Variants in SLC38A10 observed in about 807,000 individuals in gnomAD.
SLC38A10 encodes the protein Sodium-coupled neutral amino acid transporter 10.
In SLC38A10, 53 loss-of-function variants were observed where a neutral mutation model predicts 81.0. The ratio of observed to expected loss-of-function variants is 0.65; its 90% CI spans 0.53 to 0.82. The LOEUF (loss-of-function observed/expected upper bound fraction) is 0.82. SLC38A10 is among the 40% of genes least tolerant of loss of function. The pLI is 0.00. For synonymous variants in SLC38A10, 665 were observed against 655.3 expected (o/e 1.01, Z -0.23); for missense variants, 1,471 against 1,545.0 (o/e 0.95, Z 0.80).
chr17:81,280,375 G>T (rs1053803411), intron 6 of SLC38A10, among the ~76,000 whole-genome samples: 1 of 152,184 alleles, frequency 6.6e-6, no homozygotes, highest in African/African-American at 2.4e-5. Context: ...GCAAACCAGG[G>T]ACTCTCACCA....
chr17:81,256,501 G>A (rs1302049522), intron 11 of SLC38A10, among the ~76,000 whole-genome samples: 1 of 152,216 alleles, frequency 6.6e-6, no homozygotes. Flanking sequence ...GATCAGTAAA[G>A]GTGGAGACAG....
chr17:81,275,475 T>C (rs1363766534), intron 8 of SLC38A10, among the ~76,000 whole-genome samples: 2 of 151,160 alleles, frequency 1.3e-5, no homozygotes, highest in Admixed American at 6.6e-5. Flanking sequence ...GGCTCACGCC[T>C]GTAATCCCAG....
rs1598398857 is a variant in SLC38A10 at position 81,276,438 on chromosome 17, T to C, written c.730-287A>G. 6.7e-6 allele frequency among the ~76,000 whole-genome samples: 1 copy of C among 149,302 alleles called. No homozygotes were observed. Among genetic ancestry groups the C allele is most frequent in the Non-Finnish European group, 1.5e-5 (1 of 67,574 alleles). ...TCTCCCTCTGTAGACCAGGCTGGAG[T>C]GCAGTGGTGCGATCTTGGCCTCGGC... On this transcript the variant is annotated intron_variant, in intron 7 of 15. Transcript: ENST00000374759. The surrounding 1 kb of genome is among the most constrained non-coding windows in gnomAD (Gnocchi z 4.7).
rs557605693 is a variant in SLC38A10 at position 81,252,195 on chromosome 17, C to T, written c.1945G>A (p.Gly649Ser). Residue 649 changes from glycine (G) to serine (S), a missense_variant and splice_region_variant, in exon 13 of 16, where the codon GGT (glycine) becomes AGT (serine). Physicochemically the swap from Gly to Ser is moderately conservative, Grantham distance 56 (BLOSUM62 0). Transcript: ENST00000374759. ...TGQPAEDSDH[G>S]GKPPLPAEKP... ...GACACGAGCCCAGGCTGACACCCAC[C>T]GTGGTCGCTGTCCTCTGCGGGCTGC... The T allele has an allele frequency of 8.0e-6, 12 of 1,504,634 alleles. No individual in the cohort carries two copies. The highest frequency in any genetic ancestry group is 2.3e-5 in the East Asian group (1 of 43,784). The allele number at this position is 1,504,634 out of a possible 1,614,324, so 93.2% of individuals were successfully genotyped here.
rs140451634 is a variant in SLC38A10, at chr17:81,252,242, C to A, written c.1898G>T (p.Gly633Val). 24 of 1,527,252 alleles carry A rather than the reference C, an allele frequency of 1.6e-5. No homozygotes were observed. In the African/African-American group the frequency reaches 2.9e-4, roughly 19 times the overall value. 94.6% of individuals were successfully genotyped at this position (1,527,252 alleles called of 1,614,324 possible). The stretch of plus-strand genomic sequence containing the variant: ...CTGCCCTGTGTCCCCGGCGGCGTTG[C>A]CTGGCGGCGGTCCCCCCTTGGCCTT... ...GEKAKGGPPP[G>V]NAAGDTGQPA... The change falls in exon 13 of 16, where the codon GGC becomes GTC. Residue 633 changes from glycine (G) to valine (V), a missense_variant. Gly to Val is a moderately radical substitution (Grantham distance 109). Around this residue, in one of 2 missense-constraint regions of SLC38A10, gnomAD observed 751 missense variants for 717.4 expected, o/e 1.05. Transcript: ENST00000374759.
At chr17:81,278,089 A>G (rs2063178163) in intron 6 of SLC38A10, among the ~76,000 whole-genome samples, 1 of 152,238 alleles carries the variant, frequency 6.6e-6, no homozygotes, top group South Asian at 2.1e-4. Flanking sequence ...CACAGCGGCC[A>G]GCGGAGCCAA....
At chr17:81,271,122 T>C (rs781315974) in intron 9 of SLC38A10, 98 bp from the exon 10 acceptor site, 5 of 984,438 alleles carry the variant, frequency 5.1e-6, no homozygotes, top group Admixed American at 4.3e-5. Context: ...CAAGCCAGCA[T>C]TGAAGGAAAT....
chr17:81,276,285 C>T lies in SLC38A10; in HGVS notation c.730-134G>A. ...GCCTTCAATCCACTTCATAATGAAGCTTCTGCAAGAGATGGCCTTCCAGGG... is the reference window on the plus strand; with the variant it reads ...GCCTTCAATCCACTTCATAATGAAGTTTCTGCAAGAGATGGCCTTCCAGGG... On this transcript the variant is annotated intron_variant, in intron 7 of 15. Transcript: ENST00000374759. This position sits in a 1 kb window ranked among gnomAD's most constrained non-coding sequence, Gnocchi z 4.7. 1.4e-6 allele frequency: 1 copy of T among 740,428 alleles called. No homozygotes were observed. Among genetic ancestry groups the T allele is most frequent in the South Asian group, 2.6e-5 (1 of 37,802 alleles). 45.9% of individuals were successfully genotyped at this position (740,428 alleles called of 1,614,324 possible).
At chr17:81,273,930 C>T (rs983288363) in intron 8 of SLC38A10, among the ~76,000 whole-genome samples, 8 of 152,192 alleles carry the variant, frequency 5.3e-5, no homozygotes, top group East Asian at 3.9e-4. Context: ...TGGCCGCAGC[C>T]GCACCTCCGG....
At chr17:81,291,159 G>A (rs1486539871) in intron 1 of SLC38A10, among the ~76,000 whole-genome samples, 1 of 152,010 alleles carries the variant, frequency 6.6e-6, no homozygotes, top group Non-Finnish European at 1.5e-5. Context: ...TTTCCAGTCT[G>A]TTGTTCTGTA....
rs961325409 is a variant in SLC38A10, at chr17:81,275,965, T to C, written c.912+4A>G. On this transcript the variant is annotated splice_donor_region_variant and intron_variant, in intron 8 of 15. Transcript: ENST00000374759. ...CGATCCGGAGAGTGCCCCGAGGGTCTTACCTGCTGCTCACACAGCAGCGTG... is the reference window on the plus strand; with the variant it reads ...CGATCCGGAGAGTGCCCCGAGGGTCCTACCTGCTGCTCACACAGCAGCGTG... 1 of 1,612,944 alleles carries C rather than the reference T, an allele frequency of 6.2e-7. No individual in the cohort carries two copies.
At chr17:81,250,244 G>A (rs541777054) in intron 14 of SLC38A10, among the ~76,000 whole-genome samples, 8 of 152,224 alleles carry the variant, frequency 5.3e-5, no homozygotes, top group African/African-American at 1.2e-4. Flanking sequence ...GACTAAAACC[G>A]GAGACAAAAC....
At position 81,276,916 on chromosome 17, in the gene SLC38A10, A is replaced by C; in HGVS notation, c.729+115T>G. On this transcript the variant is annotated intron_variant, in intron 7 of 15. Transcript: ENST00000374759. This position sits in a 1 kb window ranked among gnomAD's most constrained non-coding sequence, Gnocchi z 4.7. ...TCCAGACACTGGGATGGGAACAGAG[A>C]GAAAAACCCAGCAGCACACAGGGCC... 2 of 1,048,516 alleles carry C rather than the reference A, an allele frequency of 1.9e-6. No homozygotes were observed. The highest frequency in any genetic ancestry group is 2.9e-6 in the Non-Finnish European group (2 of 689,188). The allele number at this position is 1,048,516 out of a possible 1,614,324, so 65.0% of individuals were successfully genotyped here.
chr17:81,258,658 C>A (rs1297575126), intron 11 of SLC38A10, among the ~76,000 whole-genome samples: 3 of 152,146 alleles, frequency 2.0e-5, no homozygotes, highest in Non-Finnish European at 4.4e-5. Context: ...CTACCACAAT[C>A]CCACCGACAG....
intron 6 of SLC38A10, among the ~76,000 whole-genome samples, chr17:81,278,854 T>TCCCACGCACACGGGGTGG (rs2063184264): frequency 1.3e-5 from 2 of 151,912 alleles, no homozygotes; most frequent in African/African-American, 2.4e-5. Context: ...GGAAGGGGTG[T>TCCCACGCACACGGGGTGG]CCCACGCACA....
chr17:81,260,089 C>T, intron 11 of SLC38A10, 149 bp downstream of exon 11: 2 of 1,003,688 alleles, frequency 2.0e-6, no homozygotes, highest in Non-Finnish European at 2.9e-6. Flanking sequence ...AGAGCATGTT[C>T]ACAGGGGAGG....
At chr17:81,260,486 C>T (rs907976099) in intron 10 of SLC38A10, 92 bp from the exon 11 acceptor site, 70 of 1,451,004 alleles carry the variant, frequency 4.8e-5, no homozygotes, top group African/African-American at 5.7e-5. Context: ...GGCTCAGGGA[C>T]GGGGTGAGGC....
chr17:81,246,227 T>C lies in SLC38A10; in HGVS notation c.2689A>G (p.Lys897Glu), dbSNP rs2146873488. The change falls in exon 16 of 16, where the codon AAG becomes GAG. Residue 897 changes from lysine to glutamate, a missense_variant. Lys to Glu is a moderately conservative substitution (Grantham distance 56). Transcript: ENST00000374759. ...CTGGTGCCAGTGGCTGCCACCTCCT[T>C]CCCAGGTTTTTTCCTGTCTTGGGAA... ...GGSQDRKKPG[K>E]EVAATGTSIL... 2 of 1,612,686 alleles carry C rather than the reference T, an allele frequency of 1.2e-6. No homozygotes were observed. The highest frequency in any genetic ancestry group is 1.1e-5 in the South Asian group (1 of 91,082).
Position 81,260,402 on chromosome 17 carries a change from G to A in SLC38A10, c.1132-8C>T, listed in dbSNP as rs961541180. ...GCCGACCCACAGCACCACCTGAGGA[G>A]ACAAAGACCCCAGGGGCGGGAGTCA... On this transcript the variant is annotated splice_region_variant and splice_polypyrimidine_tract_variant and intron_variant, in intron 10 of 15. Coordinates refer to ENST00000374759, the MANE Select transcript of SLC38A10 (RefSeq NM_001037984.3). 1 of 1,608,786 alleles carries A rather than the reference G, an allele frequency of 6.2e-7. No homozygotes were observed. The highest frequency in any genetic ancestry group is 1.3e-5 in the African/African-American group (1 of 74,862).
Sources: gnomAD v4.1 joint callset for allele counts (sites outside exome capture counted in the v4.1 genomes callset) on GRCh38, gnomAD v4.1.1 for gene constraint, gnomAD v4.1.1 regional missense constraint, Gnocchi (gnomAD v3.1) non-coding constraint, MANE v1.5 for transcripts, NCBI Gene and HGNC (gene_info 2026-07-23, HGNC 2026-07-21) for gene names.